The following ADAMTSL1 variants were observed in gnomAD, a reference collection of about 807,000 sequenced individuals.
The protein encoded by ADAMTSL1 is ADAMTS-like protein 1.
A neutral mutation model predicts 201.8 loss-of-function variants in ADAMTSL1; 126 were observed. The ratio of observed to expected loss-of-function variants is 0.62; its 90% confidence interval spans 0.54 to 0.72. ADAMTSL1 has a LOEUF of 0.72. Ranked by LOEUF, ADAMTSL1 falls within the 30% of genes least tolerant of loss-of-function variation. The probability of loss-of-function intolerance (pLI) is 0.00; values close to 1 mark genes in which losing one functional copy is unlikely to be tolerated. For missense variants in ADAMTSL1, 2,679 were observed against 2,277.8 expected (o/e 1.18, Z -3.59); for synonymous variants, 1,121 against 903.4 (o/e 1.24, Z -4.32).
intron 2 of ADAMTSL1, among the ~76,000 whole-genome samples, chr9:18,531,848 G>A (rs1455915242): frequency 2.6e-5 from 4 of 152,194 alleles, no homozygotes; most frequent in Non-Finnish European, 4.4e-5. Context: ...TCATGAGTGT[G>A]TGAGTTCCGA....
At position 18,780,520 on chromosome 9, in the gene ADAMTSL1, T is replaced by C. The variant is rs1253332797; in HGVS notation, c.3677+2614T>C. Among the ~76,000 whole-genome samples the C allele has an allele frequency of 5.3e-5, 8 of 152,192 alleles. No individual in the cohort carries two copies. The East Asian group carries it at 1.5e-3, about 29-fold the overall frequency. On this transcript the variant is annotated intron_variant, in intron 19 of 28. Transcript: ENST00000380548. ...TATGTCTATTTTTTTAATATCACAC[T>C]TGATTTTTTATTATAAAAGTAATAA...
intron 2 of ADAMTSL1, among the ~76,000 whole-genome samples, chr9:18,271,270 G>A (rs1020904027): frequency 5.9e-5 from 9 of 152,228 alleles, no homozygotes; most frequent in Admixed American, 1.3e-4. Context: ...CCATGTTGGT[G>A]TGCTGCACCC....
intron 1 of ADAMTSL1, among the ~76,000 whole-genome samples, chr9:18,015,781 A>T (rs1240813655): frequency 1.3e-5 from 2 of 152,014 alleles, no homozygotes; most frequent in East Asian, 3.9e-4. Context: ...ATTTCAAAAA[A>T]TATGCCTGGA....
rs74535036 is a variant in ADAMTSL1 at position 18,391,194 on chromosome 9, C to G, written c.208-113635C>G. Among the ~76,000 whole-genome samples the G allele has an allele frequency of 4.6e-5, 7 of 152,122 alleles. No homozygotes were observed. The East Asian group carries it at 1.2e-3, about 25-fold the overall frequency. On this transcript the variant is annotated intron_variant, in intron 2 of 29. Coordinates refer to the ADAMTSL1 transcript ENST00000680146. ...ACTGGGGACACTTTTGATACCTAGACGCTGGTCATTTTTATACCTTTTTCC... is the reference window on the plus strand; with the variant it reads ...ACTGGGGACACTTTTGATACCTAGAGGCTGGTCATTTTTATACCTTTTTCC...
chr9:18,892,671 G>T, intron 26 of ADAMTSL1, 75 bp downstream of exon 26: 1 of 1,453,874 alleles, frequency 6.9e-7, no homozygotes, highest in Non-Finnish European at 9.3e-7. Flanking sequence ...GAAGTGAAAT[G>T]CTATCACTGC....
intron 2 of ADAMTSL1, among the ~76,000 whole-genome samples, chr9:18,278,524 G>A (rs1302953570): frequency 1.3e-5 from 2 of 152,118 alleles, no homozygotes; most frequent in Non-Finnish European, 1.5e-5. Context: ...TCCACTGATA[G>A]TCTTATGGAG....
chr9:18,894,834 T>C (rs1829517883), intron 26 of ADAMTSL1, among the ~76,000 whole-genome samples: 1 of 152,090 alleles, frequency 6.6e-6, no homozygotes, highest in Non-Finnish European at 1.5e-5. Context: ...AGGATCAGAT[T>C]AAGAAAAGGC....
intron 1 of ADAMTSL1, among the ~76,000 whole-genome samples, chr9:17,979,803 T>C (rs893264905): frequency 4.6e-5 from 7 of 152,130 alleles, no homozygotes; most frequent in African/African-American, 1.7e-4. Context: ...GGTTAGCCCT[T>C]CCAGGGATTC....
intron 1 of ADAMTSL1, among the ~76,000 whole-genome samples, chr9:18,080,785 C>G (rs1823465123): frequency 6.6e-6 from 1 of 152,190 alleles, no homozygotes; most frequent in East Asian, 1.9e-4. Flanking sequence ...TTTTCTGGTT[C>G]TAAGTCATTT....
intron 2 of ADAMTSL1, among the ~76,000 whole-genome samples, chr9:18,313,787 T>C (rs1287469864): frequency 6.6e-6 from 1 of 152,162 alleles, no homozygotes; most frequent in Non-Finnish European, 1.5e-5. Flanking sequence ...CAACAACTTG[T>C]TTGGTATGAC....
At chr9:18,264,018 T>C (rs1344692061) in intron 2 of ADAMTSL1, among the ~76,000 whole-genome samples, 1 of 152,212 alleles carries the variant, frequency 6.6e-6, no homozygotes, top group African/African-American at 2.4e-5. Context: ...AATTAATCTA[T>C]CTATGCATTA....
At chr9:18,338,550 G>A (rs1436403243) in intron 2 of ADAMTSL1, among the ~76,000 whole-genome samples, 1 of 152,032 alleles carries the variant, frequency 6.6e-6, no homozygotes, top group African/African-American at 2.4e-5. Context: ...GGGCTCAAGC[G>A]ATCCTCCTAC....
At chr9:17,968,459 C>T (rs919232375) in intron 1 of ADAMTSL1, among the ~76,000 whole-genome samples, 1 of 152,122 alleles carries the variant, frequency 6.6e-6, no homozygotes, top group African/African-American at 2.4e-5. Context: ...ATGCTGTCTC[C>T]TTGGCAAAGG....
intron 2 of ADAMTSL1, among the ~76,000 whole-genome samples, chr9:18,524,349 G>A (rs1047776920): frequency 3.9e-5 from 6 of 152,168 alleles, no homozygotes; most frequent in Admixed American, 6.5e-5. Flanking sequence ...GGCTGAGACA[G>A]TGGGGTTTTC....
At chr9:18,717,103 G>A (rs7875093) in intron 14 of ADAMTSL1, among the ~76,000 whole-genome samples, 34,109 of 142,002 alleles carry the variant, frequency 0.24, 4,743 homozygotes, top group Middle Eastern at 0.31. Context: ...GGGGACGGGG[G>A]AGGGATAGCA....
intron 1 of ADAMTSL1, among the ~76,000 whole-genome samples, chr9:18,163,483 C>T (rs1587197196): frequency 6.6e-6 from 1 of 151,898 alleles, no homozygotes; most frequent in Admixed American, 6.6e-5. Context: ...GTGCTGGGAT[C>T]TATTGGACTA....
intron 5 of ADAMTSL1, among the ~76,000 whole-genome samples, chr9:18,623,976 C>T (rs1452627290): frequency 4.6e-5 from 7 of 152,076 alleles, no homozygotes; most frequent in Non-Finnish European, 1.0e-4. Context: ...GGAAGAAAGG[C>T]AGATGCAGTT....
chr9:18,512,818 C>CT (rs1454618259), intron 2 of ADAMTSL1, among the ~76,000 whole-genome samples: 5 of 152,046 alleles, frequency 3.3e-5, no homozygotes, highest in Non-Finnish European at 7.4e-5. Flanking sequence ...TGAATTCCTC[C>CT]TTTTTTACAG....
At chr9:18,017,130 T>A (rs1820291285) in intron 1 of ADAMTSL1, among the ~76,000 whole-genome samples, 1 of 152,042 alleles carries the variant, frequency 6.6e-6, no homozygotes, top group African/African-American at 2.4e-5. Flanking sequence ...ATTAAACCTA[T>A]TTTCCATCTC....
Sources: gnomAD v4.1 joint callset for allele counts (sites outside exome capture counted in the v4.1 genomes callset) on GRCh38, gnomAD v4.1.1 for gene constraint, MANE v1.5 for transcripts, NCBI Gene and HGNC (gene_info 2026-07-23, HGNC 2026-07-21) for gene names.